COPG2: variants seen among roughly 807,000 people sequenced by gnomAD.
The protein encoded by COPG2 is coat protein complex I subunit gamma 2.
In COPG2, 37 loss-of-function variants were observed where a neutral mutation model predicts 46.3. The observed-to-expected ratio is 0.80, with a 90% confidence interval of 0.61 to 1.05. COPG2 has a LOEUF of 1.05. Among genes scored for constraint, COPG2 ranks in the 50% least tolerant of loss-of-function variants. The pLI, the probability that COPG2 is intolerant of heterozygous loss-of-function variation, is 0.00. For missense variants in COPG2, 427 were observed against 387.8 expected (o/e 1.10, Z -0.85); for synonymous variants, 159 against 129.7 (o/e 1.23, Z -1.53).
At chr7:130,595,777 C>A (rs901608247) in intron 9 of COPG2, among the ~76,000 whole-genome samples, 1 of 151,082 alleles carries the variant, frequency 6.6e-6, no homozygotes, top group Admixed American at 6.6e-5. Flanking sequence ...CACCGGCTGG[C>A]GCTGAGGTCC....
chr7:130,506,804 T>A lies in COPG2; in HGVS notation c.2488A>T (p.Ile830Leu). The A allele has an allele frequency of 1.3e-6, 1 of 770,032 alleles. No homozygotes were observed. Among genetic ancestry groups the A allele is most frequent in the Non-Finnish European group, 2.4e-6 (1 of 414,594 alleles). 47.7% of individuals were successfully genotyped at this position (770,032 alleles called of 1,614,324 possible). A position where few individuals can be genotyped will look rare whatever the true frequency, so the allele number is the denominator to read the frequency against. ...KNSHSLYLAG[I>L]FRGGYDLLVR... The stretch of plus-strand genomic sequence containing the variant: ...AATAAATCATAGCCACCTCTGAATA[T>A]ACCTGAGAGAAAAAAGTAAGGAAAA... The change falls in exon 24 of 24, where the codon ATA becomes TTA. Residue 830 changes from isoleucine to leucine, a missense_variant and splice_region_variant. Transcript: ENST00000425248.
intron 20 of COPG2, among the ~76,000 whole-genome samples, chr7:130,529,394 T>C (rs949573411): frequency 6.6e-6 from 1 of 152,106 alleles, no homozygotes; most frequent in African/African-American, 2.4e-5. Flanking sequence ...CAAGGCATGA[T>C]GTCAGACTCA....
At chr7:130,603,236 T>G (rs1794670902) in intron 9 of COPG2, among the ~76,000 whole-genome samples, 2 of 152,214 alleles carry the variant, frequency 1.3e-5, no homozygotes, top group Non-Finnish European at 2.9e-5. Context: ...GTGCCTATGT[T>G]AAGTCTAAAA....
At chr7:130,633,257 C>A (rs1421510562) in intron 5 of COPG2, among the ~76,000 whole-genome samples, 1 of 152,078 alleles carries the variant, frequency 6.6e-6, no homozygotes, top group African/African-American at 2.4e-5. Flanking sequence ...TGGATATATA[C>A]CCAGTAATGC....
At chr7:130,629,397 T>C (rs1795182351) in intron 5 of COPG2, among the ~76,000 whole-genome samples, 1 of 118,222 alleles carries the variant, frequency 8.5e-6, no homozygotes, top group Non-Finnish European at 2.0e-5. Flanking sequence ...ATTATTATTA[T>C]CATTTTTTTT....
chr7:130,570,855 A>G lies in COPG2; in HGVS notation c.738-6462T>C, dbSNP rs564302234. On this transcript the variant is annotated intron_variant, in intron 9 of 23. Transcript: ENST00000425248. ...ATGGCACTGGTATAAAAATAGGCAA[A>G]GAGACCAATGTAACAGAATAGAGAA... Among the ~76,000 whole-genome samples, 27 of 152,372 alleles carry G rather than the reference A, an allele frequency of 1.8e-4. No homozygotes were observed. The East Asian group carries it at 4.4e-3, about 25-fold the overall frequency.
chr7:130,615,750 G>C (rs761558723), intron 6 of COPG2, among the ~76,000 whole-genome samples: 1 of 152,168 alleles, frequency 6.6e-6, no homozygotes, highest in Non-Finnish European at 1.5e-5. Flanking sequence ...AATACTGTTT[G>C]GTGGCCAAGA....
chr7:130,634,362 G>A (rs74603625), intron 5 of COPG2, among the ~76,000 whole-genome samples: 4 of 152,278 alleles, frequency 2.6e-5, no homozygotes, highest in Admixed American at 1.3e-4. Context: ...AGCATGGAAT[G>A]TTTTTCCATT....
chr7:130,590,508 T>C (rs1272801966), intron 9 of COPG2, among the ~76,000 whole-genome samples: 4 of 152,156 alleles, frequency 2.6e-5, no homozygotes, highest in African/African-American at 9.7e-5. Context: ...TCCGCCAGCC[T>C]CGGCCTCCCG....
chr7:130,577,812 C>T lies in COPG2; in HGVS notation c.738-13419G>A, dbSNP rs558160355. ...AACAAAAAAAAAAAACAGCCCACCA[C>T]GAGATTACATCCCGCACCTGGCTCG... is the stretch of plus-strand genomic sequence containing the variant. On this transcript the variant is annotated intron_variant, in intron 9 of 23. Coordinates refer to ENST00000425248, the MANE Select transcript of COPG2 (RefSeq NM_012133.6). 4.8e-4 allele frequency among the ~76,000 whole-genome samples: 73 copies of T among 151,388 alleles called. No individual in the cohort carries two copies. The South Asian group carries it at 0.015, about 30-fold the overall frequency.
intron 4 of COPG2, among the ~76,000 whole-genome samples, chr7:130,659,131 G>A (rs1423743577): frequency 2.6e-5 from 4 of 151,768 alleles, no homozygotes; most frequent in Admixed American, 1.3e-4. Context: ...TGAGACGGGC[G>A]GATCACAAGG....
intron 20 of COPG2, among the ~76,000 whole-genome samples, chr7:130,516,521 G>C (rs1263744777): frequency 2.6e-5 from 4 of 152,166 alleles, no homozygotes; most frequent in African/African-American, 4.8e-5. Context: ...AAGCAACTGA[G>C]GAGACTTATA....
chr7:130,590,827 C>T (rs1428020049), intron 9 of COPG2, among the ~76,000 whole-genome samples: 6 of 152,012 alleles, frequency 3.9e-5, no homozygotes, highest in South Asian at 2.1e-4. Context: ...TCTGCCCTGC[C>T]CCCCCGTCTG....
At chr7:130,613,749 T>C in intron 6 of COPG2, 113 bp from the exon 7 acceptor site, 1 of 708,270 alleles carries the variant, frequency 1.4e-6, no homozygotes, top group Non-Finnish European at 2.4e-6. Context: ...TCTGTGCAAA[T>C]ATTCAGAATG....
chr7:130,582,434 T>C (rs1192930220), intron 9 of COPG2, among the ~76,000 whole-genome samples: 4 of 151,552 alleles, frequency 2.6e-5, no homozygotes, highest in East Asian at 1.9e-4. Flanking sequence ...GACATAGGCA[T>C]GGGCAAGGAT....
intron 9 of COPG2, among the ~76,000 whole-genome samples, chr7:130,577,458 G>T (rs562252029): frequency 1.3e-5 from 2 of 152,242 alleles, no homozygotes; most frequent in South Asian, 4.2e-4. Context: ...GAGCTTTTCC[G>T]ACCGGCTTAA....
intron 5 of COPG2, among the ~76,000 whole-genome samples, chr7:130,643,294 C>CA (rs556885605): frequency 0.023 from 2,698 of 118,366 alleles, 86 homozygotes; most frequent in African/African-American, 0.065. Context: ...GACTGTGTCT[C>CA]AAAAAAAAAA....
In COPG2 at chr7:130,531,467, A is replaced by G. The variant is rs1799824380; in HGVS notation, c.2149+16207T>C. Reference sequence around the variant, plus strand: ...AAGTGGTGATTAAGGAAAAGGGACAATAGTCAACACCCAGAAGAACAGGTG... The same window carrying G: ...AAGTGGTGATTAAGGAAAAGGGACAGTAGTCAACACCCAGAAGAACAGGTG... On this transcript the variant is annotated intron_variant, in intron 20 of 23. Transcript: ENST00000425248. 5.3e-5 allele frequency among the ~76,000 whole-genome samples: 8 copies of G among 152,126 alleles called. No homozygotes were observed. The South Asian group carries it at 1.7e-3, about 32-fold the overall frequency.
At chr7:130,561,405 GTATAGCATCGTACTC>G (rs1301196334) in intron 11 of COPG2, among the ~76,000 whole-genome samples, 184 bp from the exon 12 acceptor site, 15 of 152,292 alleles carry the variant, frequency 9.8e-5, no homozygotes, top group Non-Finnish European at 1.8e-4. Flanking sequence ...AACGGCCAGA[GTATAGCATCGTACTC>G]TCTTTTGTTA....
Sources: allele counts gnomAD v4.1 joint callset (sites outside exome capture counted in the v4.1 genomes callset), GRCh38; gene constraint gnomAD v4.1.1; transcripts MANE v1.5; gene names NCBI Gene and HGNC (gene_info 2026-07-23, HGNC 2026-07-21).